The following TAFA1 variants were observed in gnomAD, a reference collection of about 807,000 sequenced individuals.
TAFA1 encodes chemokine-like protein TAFA-1.
TAFA1 carries 4 observed loss-of-function variants against 18.5 expected under a neutral mutation model. The ratio of observed to expected loss-of-function variants is 0.22; its 90% CI spans 0.11 to 0.49. TAFA1 has a LOEUF of 0.49. Among genes scored for constraint, TAFA1 ranks in the 20% least tolerant of loss-of-function variants. TAFA1 has a pLI of 0.98. For missense variants in TAFA1, 147 were observed against 169.0 expected (o/e 0.87, Z 0.72); for synonymous variants, 56 against 55.2 (o/e 1.01, Z -0.06).
chr3:68,028,287 G>T (rs774460565), intron 2 of TAFA1, among the ~76,000 whole-genome samples: 31 of 151,872 alleles, frequency 2.0e-4, no homozygotes, highest in Admixed American at 6.6e-4. Context: ...GTGACAGAGC[G>T]AGACTCTGTC....
intron 3 of TAFA1, among the ~76,000 whole-genome samples, chr3:68,442,773 T>C (rs1244892462): frequency 2.6e-5 from 4 of 152,124 alleles, no homozygotes; most frequent in Admixed American, 2.0e-4. Context: ...CAGAAATGGA[T>C]TTTAGTGCCT....
chr3:68,465,078 G>C (rs2071861182), intron 3 of TAFA1, among the ~76,000 whole-genome samples: 1 of 152,054 alleles, frequency 6.6e-6, no homozygotes. Context: ...CTTAGGCGTG[G>C]GCATGTGGCT....
chr3:68,285,725 C>T (rs17043602), intron 2 of TAFA1, among the ~76,000 whole-genome samples: 51,395 of 151,756 alleles, frequency 0.34, 8,864 homozygotes, highest in East Asian at 0.45. Flanking sequence ...TGGGTCCTGA[C>T]TTTTTTTTAA....
At chr3:68,328,122 G>C (rs1039836691) in intron 2 of TAFA1, among the ~76,000 whole-genome samples, 2 of 152,058 alleles carry the variant, frequency 1.3e-5, no homozygotes, top group Non-Finnish European at 2.9e-5. Context: ...CTAGGATCTA[G>C]GATCTCATTT....
intron 2 of TAFA1, among the ~76,000 whole-genome samples, chr3:68,190,744 A>G (rs566661710): frequency 1.0e-3 from 154 of 151,946 alleles, no homozygotes; most frequent in African/African-American, 3.4e-3. Flanking sequence ...GAAATACACC[A>G]TGTGGGCTGT....
intron 2 of TAFA1, among the ~76,000 whole-genome samples, chr3:68,331,089 A>G (rs892828124): frequency 6.6e-6 from 1 of 150,550 alleles, no homozygotes; most frequent in African/African-American, 2.4e-5. Flanking sequence ...TATCCATTCA[A>G]TGAAATATTA....
At chr3:68,180,012 T>TTTGTTATTATTATTA (rs1553649124) in intron 2 of TAFA1, among the ~76,000 whole-genome samples, 1 of 140,322 alleles carries the variant, frequency 7.1e-6, no homozygotes, top group South Asian at 2.3e-4. Context: ...AACACATAAT[T>TTTGTTATTATTATTA]TTATTATTAT....
intron 2 of TAFA1, among the ~76,000 whole-genome samples, chr3:68,408,430 G>A (rs2070652938): frequency 6.6e-6 from 1 of 152,096 alleles, no homozygotes. Context: ...AAGGTATATT[G>A]GAAGTTCTCA....
chr3:68,111,780 AAGAGAGAG>A (rs71112608), intron 2 of TAFA1, among the ~76,000 whole-genome samples: 1 of 145,938 alleles, frequency 6.9e-6, no homozygotes, highest in African/African-American at 2.7e-5. Context: ...ACACATGAGA[AAGAGAGAG>A]AGAGAGAGAG....
chr3:68,458,211 C>T (rs2071701848), intron 3 of TAFA1, among the ~76,000 whole-genome samples: 1 of 152,044 alleles, frequency 6.6e-6, no homozygotes, highest in African/African-American at 2.4e-5. Flanking sequence ...CTATATTTCC[C>T]CTTCTCCAGC....
intron 3 of TAFA1, among the ~76,000 whole-genome samples, chr3:68,428,375 C>T (rs1181916708): frequency 6.6e-6 from 1 of 151,896 alleles, no homozygotes; most frequent in Non-Finnish European, 1.5e-5. Flanking sequence ...AAGTGAAGAC[C>T]ATCCATTAAC....
intron 2 of TAFA1, among the ~76,000 whole-genome samples, chr3:68,044,468 G>T (rs1705227992): frequency 6.6e-6 from 1 of 152,114 alleles, no homozygotes; most frequent in Admixed American, 6.6e-5. Context: ...AAGAGGCCCT[G>T]GATAATCCTG....
chr3:68,143,011 T>A (rs552298368), intron 2 of TAFA1, among the ~76,000 whole-genome samples: 49 of 152,250 alleles, frequency 3.2e-4, no homozygotes, highest in African/African-American at 1.1e-3. Context: ...TCTGGAAGAC[T>A]CTTTAAGATG....
chr3:68,000,885 G>C (rs186612799), upstream of TAFA1, among the ~76,000 whole-genome samples: 16 of 152,332 alleles, frequency 1.1e-4, no homozygotes, highest in Admixed American at 8.5e-4. Flanking sequence ...ATGGCCAGAA[G>C]AGTCTTCATT....
At chr3:68,316,500 G>T (rs1211881948) in intron 2 of TAFA1, among the ~76,000 whole-genome samples, 1 of 152,114 alleles carries the variant, frequency 6.6e-6, no homozygotes, top group Non-Finnish European at 1.5e-5. Context: ...TGCCTTTTAG[G>T]TGCTAACTTG....
At chr3:68,440,575 C>T (rs2071358380) in intron 3 of TAFA1, among the ~76,000 whole-genome samples, 1 of 152,168 alleles carries the variant, frequency 6.6e-6, no homozygotes, top group Admixed American at 6.5e-5. Flanking sequence ...TTCTACTACC[C>T]ATTCTGTATT....
intron 2 of TAFA1, among the ~76,000 whole-genome samples, chr3:68,271,100 G>A (rs913755508): frequency 6.6e-6 from 1 of 151,958 alleles, no homozygotes; most frequent in Non-Finnish European, 1.5e-5. Flanking sequence ...GGAGGCAAGG[G>A]GTCAAACAGC....
chr3:68,098,060 A>T (rs990698727), intron 2 of TAFA1, among the ~76,000 whole-genome samples: 7 of 152,204 alleles, frequency 4.6e-5, no homozygotes, highest in African/African-American at 1.7e-4. Flanking sequence ...CATGATGGAC[A>T]GTCAATACCT....
chr3:68,169,416 G>A (rs1208874637), intron 2 of TAFA1, among the ~76,000 whole-genome samples: 1 of 152,218 alleles, frequency 6.6e-6, no homozygotes. Context: ...TTACAAATGA[G>A]GAAACCTGAA....
Sources: gnomAD v4.1 joint callset for allele counts (sites outside exome capture counted in the v4.1 genomes callset) on GRCh38, gnomAD v4.1.1 for gene constraint, MANE v1.5 for transcripts, NCBI Gene and HGNC (gene_info 2026-07-23, HGNC 2026-07-21) for gene names.